The following ASTN2 variants were observed in gnomAD, a reference collection of about 807,000 sequenced individuals.
ASTN2 encodes astrotactin 2.
In ASTN2, 54 loss-of-function variants were observed where a neutral mutation model predicts 139.8. The observed-to-expected ratio is 0.39, with a 90% CI of 0.31 to 0.48. ASTN2 has a LOEUF of 0.48. Among genes scored for constraint, ASTN2 ranks in the 20% least tolerant of loss-of-function variants. ASTN2 has a pLI of 0.95. For missense variants in ASTN2, 1,565 were observed against 1,725.1 expected (o/e 0.91, Z 1.64); for synonymous variants, 756 against 719.5 (o/e 1.05, Z -0.81).
Position 117,048,763 on chromosome 9 carries a change from A to G in ASTN2, c.1277-8798T>C, listed in dbSNP as rs75324802. ...GTAGTTGGCATTGCTGTTATCCCCA[A>G]TAGACAAATGAGAAGTGACAGTCTT... On this transcript the variant is annotated intron_variant, in intron 5 of 22. Coordinates refer to ENST00000313400, the MANE Select transcript of ASTN2 (RefSeq NM_001365068.1). Among the ~76,000 whole-genome samples the G allele has an allele frequency of 7.3e-3, 1,106 of 152,254 alleles. 11 individuals carry two copies. The highest frequency in any genetic ancestry group is 0.038 in the South Asian group (185 of 4,820).
intron 19 of ASTN2, among the ~76,000 whole-genome samples, chr9:116,510,753 T>G (rs1294464957): frequency 6.6e-6 from 1 of 152,122 alleles, no homozygotes; most frequent in Non-Finnish European, 1.5e-5. Context: ...TATTTTATTC[T>G]CTTTGAAGCA....
intron 4 of ASTN2, among the ~76,000 whole-genome samples, chr9:117,128,605 G>C (rs1175410800): frequency 6.6e-6 from 1 of 152,254 alleles, no homozygotes; most frequent in Middle Eastern, 3.4e-3. Context: ...GTATCAGAAA[G>C]GGGTTGATGC....
intron 10 of ASTN2, among the ~76,000 whole-genome samples, chr9:116,875,762 G>A (rs192951737): frequency 2.8e-4 from 43 of 152,320 alleles, no homozygotes; most frequent in Admixed American, 1.8e-3. Context: ...GGGCCTTTAA[G>A]AATTATGCTA....
At chr9:116,924,540 G>A (rs1490000468) in intron 10 of ASTN2, among the ~76,000 whole-genome samples, 3 of 151,968 alleles carry the variant, frequency 2.0e-5, no homozygotes, top group Non-Finnish European at 4.4e-5. Flanking sequence ...GCTAAACAAA[G>A]GGTAGGTTAT....
intron 13 of ASTN2, among the ~76,000 whole-genome samples, chr9:116,744,827 C>T (rs749808423): frequency 6.6e-6 from 1 of 152,198 alleles, no homozygotes; most frequent in Non-Finnish European, 1.5e-5. Context: ...CATATGTCCT[C>T]GGCCTCCTTT....
intron 12 of ASTN2, among the ~76,000 whole-genome samples, chr9:116,809,627 A>G (rs967715831): frequency 6.6e-5 from 10 of 152,306 alleles, no homozygotes; most frequent in Admixed American, 3.9e-4. Flanking sequence ...GCAAATCCCT[A>G]GTGGAATTTT....
intron 10 of ASTN2, among the ~76,000 whole-genome samples, chr9:116,965,155 C>T (rs1465812776): frequency 6.6e-6 from 1 of 152,178 alleles, no homozygotes; most frequent in African/African-American, 2.4e-5. Flanking sequence ...AGAAACCTTC[C>T]CAGCATAATA....
intron 13 of ASTN2, among the ~76,000 whole-genome samples, chr9:116,772,922 T>C (rs931292113): frequency 3.3e-5 from 5 of 152,194 alleles, no homozygotes; most frequent in African/African-American, 1.2e-4. Context: ...TCATTATTTC[T>C]TTAGGGGTGT....
chr9:116,607,232 T>C (rs1304633219), intron 19 of ASTN2, among the ~76,000 whole-genome samples: 1 of 152,190 alleles, frequency 6.6e-6, no homozygotes, highest in Non-Finnish European at 1.5e-5. Flanking sequence ...TCTAACCATA[T>C]GCAATTCAGT....
Position 116,440,779 on chromosome 9 carries a change from C to T in ASTN2, c.3612G>A (p.Lys1204=). ...DDNKAEEIAD[K]IYNLYNGYTS... is the part of the protein sequence containing the mutation. Reference sequence around the variant, plus strand: ...TGTACCCATTGTACAGATTGTAGATCTTGTCAGCTATTTCTGAGAGGGCAG... The same window carrying T: ...TGTACCCATTGTACAGATTGTAGATTTTGTCAGCTATTTCTGAGAGGGCAG... Residue 1204 remains lysine (K), a synonymous_variant, in exon 22 of 23, where the codon AAG becomes AAA. Coordinates refer to ENST00000313400, the MANE Select transcript of ASTN2 (RefSeq NM_001365068.1). 1 of 1,613,396 alleles carries T rather than the reference C, an allele frequency of 6.2e-7. No homozygotes were observed. Among genetic ancestry groups the T allele is most frequent in the Non-Finnish European group, 8.5e-7 (1 of 1,179,474 alleles).
Position 117,295,716 on chromosome 9 carries a change from G to A in ASTN2, c.443-4203C>T, listed in dbSNP as rs566937307. Among the ~76,000 whole-genome samples the A allele has an allele frequency of 2.0e-5, 3 of 150,714 alleles. No individual in the cohort carries two copies. The South Asian group carries it at 6.3e-4, about 32-fold the overall frequency. ...AAAATGGTGGAGGGACTAAAAAATAGAATTCAAAGAGTGTTACATTTCATC... is the reference window on the plus strand; with the variant it reads ...AAAATGGTGGAGGGACTAAAAAATAAAATTCAAAGAGTGTTACATTTCATC... On this transcript the variant is annotated intron_variant, in intron 1 of 22. Coordinates refer to ENST00000313400, the MANE Select transcript of ASTN2 (RefSeq NM_001365068.1).
At chr9:116,940,984 AG>A (rs1835210908) in intron 10 of ASTN2, among the ~76,000 whole-genome samples, 1 of 152,220 alleles carries the variant, frequency 6.6e-6, no homozygotes. Context: ...GTACAGTAAC[AG>A]GCTTTACAGG....
chr9:116,690,910 A>G (rs1443701895), intron 16 of ASTN2, among the ~76,000 whole-genome samples: 1 of 152,118 alleles, frequency 6.6e-6, no homozygotes, highest in Non-Finnish European at 1.5e-5. Context: ...GAAGAGAACT[A>G]AGTGTTGCTT....
At chr9:116,456,947 A>T (rs1848350899) in intron 20 of ASTN2, among the ~76,000 whole-genome samples, 1 of 152,208 alleles carries the variant, frequency 6.6e-6, no homozygotes, top group Non-Finnish European at 1.5e-5. Flanking sequence ...CCTAACTTCA[A>T]ATTATACTAC....
intron 4 of ASTN2, among the ~76,000 whole-genome samples, chr9:117,120,820 T>A (rs1829539288): frequency 6.6e-6 from 1 of 152,232 alleles, no homozygotes; most frequent in East Asian, 1.9e-4. Flanking sequence ...GTGCTATACT[T>A]ACAGACTTTA....
At chr9:116,529,857 C>A (rs1851246234) in intron 19 of ASTN2, among the ~76,000 whole-genome samples, 2 of 152,096 alleles carry the variant, frequency 1.3e-5, no homozygotes, top group Admixed American at 1.3e-4. Context: ...TTTCCTGAGG[C>A]CTTCCCAGCC....
At chr9:116,604,054 C>T (rs780753359) in intron 19 of ASTN2, among the ~76,000 whole-genome samples, 2 of 152,292 alleles carry the variant, frequency 1.3e-5, no homozygotes, top group Admixed American at 6.5e-5. Context: ...GTTACCTCAG[C>T]ACCCACCATA....
intron 12 of ASTN2, among the ~76,000 whole-genome samples, chr9:116,809,134 C>T (rs530505603): frequency 1.1e-4 from 17 of 151,940 alleles, no homozygotes; most frequent in Admixed American, 7.2e-4. Context: ...TTCTTCTGGT[C>T]TTTGTGTCTG....
At chr9:116,436,551 G>A (rs1847655606) in intron 22 of ASTN2, among the ~76,000 whole-genome samples, 1 of 152,178 alleles carries the variant, frequency 6.6e-6, no homozygotes, top group South Asian at 2.1e-4. Flanking sequence ...CAGATAATAT[G>A]TAAGTAAACA....
Sources: allele counts gnomAD v4.1 joint callset (sites outside exome capture counted in the v4.1 genomes callset), GRCh38; gene constraint gnomAD v4.1.1; transcripts MANE v1.5; gene names NCBI Gene and HGNC (gene_info 2026-07-23, HGNC 2026-07-21).